The following CSNK2A2IP variants were observed in gnomAD, a reference collection of about 807,000 sequenced individuals.
CSNK2A2IP encodes casein kinase 2 subunit alpha' interacting protein.
chr3:88,446,081 T>C, the CSNK2A2IP span, among the ~76,000 whole-genome samples: 1 of 145,868 alleles, frequency 6.9e-6, no homozygotes, highest in Non-Finnish European at 1.5e-5. Flanking sequence ...TTTCTTTCTT[T>C]CTTTCTTTCT....
the CSNK2A2IP span, among the ~76,000 whole-genome samples, chr3:88,386,234 C>T: frequency 6.6e-6 from 1 of 152,076 alleles, no homozygotes; most frequent in African/African-American, 2.4e-5. Flanking sequence ...AAGCGATTCT[C>T]CCGCCTCAGT....
At chr3:88,350,580 A>G in the CSNK2A2IP span, among the ~76,000 whole-genome samples, 1 of 128,658 alleles carries the variant, frequency 7.8e-6, no homozygotes. Context: ...GGGAACAAAT[A>G]CACTAAATTC....
chr3:88,423,177 T>A, the CSNK2A2IP span, among the ~76,000 whole-genome samples: 1 of 152,182 alleles, frequency 6.6e-6, no homozygotes. Flanking sequence ...GAACTGTTGG[T>A]AAATTTGTGA....
the CSNK2A2IP span, among the ~76,000 whole-genome samples, chr3:88,460,971 C>A: frequency 6.6e-6 from 1 of 151,900 alleles, no homozygotes; most frequent in African/African-American, 2.4e-5. Context: ...CCTGTAATCC[C>A]AGCTGCTTGG....
At chr3:88,417,750 T>G in the CSNK2A2IP span, among the ~76,000 whole-genome samples, 2 of 152,230 alleles carry the variant, frequency 1.3e-5, no homozygotes, top group African/African-American at 2.4e-5. Flanking sequence ...TGAAGCAACA[T>G]AAATCAGCTC....
chr3:88,417,942 T>C, the CSNK2A2IP span, among the ~76,000 whole-genome samples: 1 of 152,206 alleles, frequency 6.6e-6, no homozygotes, highest in Non-Finnish European at 1.5e-5. Flanking sequence ...GCTAGTTAAC[T>C]GTACTTGGGA....
At chr3:88,381,565 T>C in the CSNK2A2IP span, among the ~76,000 whole-genome samples, 1 of 152,202 alleles carries the variant, frequency 6.6e-6, no homozygotes, top group Non-Finnish European at 1.5e-5. Flanking sequence ...CTAGCCTTGA[T>C]GCTGTTATGT....
the CSNK2A2IP span, among the ~76,000 whole-genome samples, chr3:88,413,482 AATG>A: frequency 6.6e-6 from 1 of 152,012 alleles, no homozygotes; most frequent in Non-Finnish European, 1.5e-5. Context: ...TGGGTGTGGT[AATG>A]ATGTGGTTTC....
At chr3:88,341,941 T>C in the CSNK2A2IP span, among the ~76,000 whole-genome samples, 1 of 152,018 alleles carries the variant, frequency 6.6e-6, no homozygotes, top group Non-Finnish European at 1.5e-5. Context: ...AGCAGAGGAT[T>C]ATAGAAAATT....
chr3:88,385,639 A>C, the CSNK2A2IP span, among the ~76,000 whole-genome samples: 1 of 152,182 alleles, frequency 6.6e-6, no homozygotes, highest in East Asian at 1.9e-4. Context: ...ATTGGGAAAA[A>C]ATAAAAAGAA....
chr3:88,414,428 G>A, the CSNK2A2IP span, among the ~76,000 whole-genome samples: 4 of 151,038 alleles, frequency 2.6e-5, no homozygotes, highest in Admixed American at 2.0e-4. Flanking sequence ...GACTACAGGC[G>A]TGCCCCAACA....
the CSNK2A2IP span, among the ~76,000 whole-genome samples, chr3:88,396,656 A>G: frequency 7.9e-5 from 12 of 152,334 alleles, no homozygotes; most frequent in Non-Finnish European, 1.8e-4. Context: ...GAGAAGCGCA[A>G]TGTTAGATTT....
At chr3:88,414,484 T>C in the CSNK2A2IP span, among the ~76,000 whole-genome samples, 1 of 151,660 alleles carries the variant, frequency 6.6e-6, no homozygotes, top group Admixed American at 6.6e-5. Flanking sequence ...GGTTTCACCA[T>C]GTTGGCCAGG....
the CSNK2A2IP span, among the ~76,000 whole-genome samples, chr3:88,389,698 G>A: frequency 6.6e-6 from 1 of 152,220 alleles, no homozygotes; most frequent in South Asian, 2.1e-4. Flanking sequence ...AGTGTATTGG[G>A]GGCAAAGATG....
At chr3:88,467,118 C>T in the CSNK2A2IP span, 6 of 446,154 alleles carry the variant, frequency 1.3e-5, no homozygotes, top group Admixed American at 2.6e-4. Flanking sequence ...AAGTTATAGG[C>T]CAACAGCCCC....
chr3:88,340,923 A>G, the CSNK2A2IP span, among the ~76,000 whole-genome samples: 1 of 151,972 alleles, frequency 6.6e-6, no homozygotes, highest in African/African-American at 2.4e-5. Flanking sequence ...ATAAACAAAT[A>G]CATTAGAATC....
the CSNK2A2IP span, among the ~76,000 whole-genome samples, chr3:88,394,373 A>G: frequency 9.9e-5 from 15 of 151,998 alleles, no homozygotes; most frequent in Non-Finnish European, 1.9e-4. Flanking sequence ...TTCTTTTCTA[A>G]AAAATTTTTG....
At chr3:88,449,872 TATAG>T in the CSNK2A2IP span, among the ~76,000 whole-genome samples, 1 of 78,974 alleles carries the variant, frequency 1.3e-5, no homozygotes, top group East Asian at 3.3e-4. Flanking sequence ...TATATATATA[TATAG>T]AGAGAGAGAG....
the CSNK2A2IP span, among the ~76,000 whole-genome samples, chr3:88,450,498 C>CT: frequency 4.4e-5 from 6 of 135,482 alleles, no homozygotes; most frequent in African/African-American, 1.0e-4. Context: ...CGTAGTTGAC[C>CT]TTTTTAAAAA....
Sources: allele counts gnomAD v4.1 joint callset (sites outside exome capture counted in the v4.1 genomes callset), GRCh38; gene constraint gnomAD v4.1.1; transcripts MANE v1.5; gene names NCBI Gene and HGNC (gene_info 2026-07-23, HGNC 2026-07-21).